The following WDPCP variants were observed in gnomAD, a reference collection of about 807,000 sequenced individuals.
WDPCP encodes the protein WD repeat containing planar cell polarity effector, also known as WD repeat-containing and planar cell polarity effector protein fritz homolog.
In WDPCP, 71 loss-of-function variants were observed where a neutral mutation model predicts 93.1. The observed-to-expected ratio is 0.76, with a 90% CI of 0.63 to 0.93. WDPCP has a LOEUF of 0.93. WDPCP is among the 40% of genes least tolerant of loss of function. The probability of loss-of-function intolerance (pLI) is 0.00; values close to 1 mark genes in which losing one functional copy is unlikely to be tolerated. For synonymous variants in WDPCP, 315 were observed against 315.0 expected (o/e 1.00, Z 0.00); for missense variants, 844 against 887.4 (o/e 0.95, Z 0.62).
chr2:63,836,368 G>T, the WDPCP span, among the ~76,000 whole-genome samples: 1 of 152,142 alleles, frequency 6.6e-6, no homozygotes, highest in Non-Finnish European at 1.5e-5. Flanking sequence ...CTTTCATATA[G>T]TTGAAAGAGG....
At chr2:63,712,492 TA>T (rs1189274900) in intron 2 of WDPCP, among the ~76,000 whole-genome samples, 1 of 152,232 alleles carries the variant, frequency 6.6e-6, no homozygotes, top group African/African-American at 2.4e-5. Flanking sequence ...ACTAGCCTAA[TA>T]TCTTAAAGTG....
chr2:63,314,013 TG>T (rs1241415827), intron 12 of WDPCP, among the ~76,000 whole-genome samples: 2 of 149,660 alleles, frequency 1.3e-5, no homozygotes, highest in East Asian at 3.9e-4. Context: ...TCCCGATAGC[TG>T]GGAGTAGGCG....
At chr2:63,309,517 G>C (rs1249406461) in intron 13 of WDPCP, among the ~76,000 whole-genome samples, 3 of 152,000 alleles carry the variant, frequency 2.0e-5, no homozygotes, top group African/African-American at 7.2e-5. Context: ...GAATTGAAGT[G>C]AGAAATAGTC....
At chr2:63,213,911 G>A (rs569413240) in intron 14 of WDPCP, among the ~76,000 whole-genome samples, 27 of 152,158 alleles carry the variant, frequency 1.8e-4, no homozygotes, top group South Asian at 4.2e-4. Flanking sequence ...ACCCTCCCAA[G>A]AATACACCAG....
At position 63,794,694 on chromosome 2, in the gene WDPCP, T is replaced by C. The variant is rs148831874; in HGVS notation, n.308+18928A>G. ...CTAGACTTCCAGTTGTGTGCACCAC[T>C]ACATTTCCTTACTGTTTAAGCCACC... On this transcript the variant is annotated intron_variant and non_coding_transcript_variant, in intron 2 of 4. Coordinates refer to the WDPCP transcript ENST00000467687. Among the ~76,000 whole-genome samples, 3 of 152,342 alleles carry C rather than the reference T, an allele frequency of 2.0e-5. No individual in the cohort carries two copies. The East Asian group carries it at 5.8e-4, about 29-fold the overall frequency.
chr2:63,485,815 GTACATA>G (rs751465575), intron 4 of WDPCP, among the ~76,000 whole-genome samples: 3 of 151,746 alleles, frequency 2.0e-5, no homozygotes, highest in Admixed American at 2.0e-4. Flanking sequence ...TGTGTTATAT[GTACATA>G]TACATATACA....
chr2:63,265,338 A>G (rs1018368335), intron 13 of WDPCP, among the ~76,000 whole-genome samples: 1 of 152,100 alleles, frequency 6.6e-6, no homozygotes, highest in Non-Finnish European at 1.5e-5. Context: ...GAAAGAGGAG[A>G]CATTATAACT....
At chr2:63,582,861 A>T (rs1028858183) in intron 1 of WDPCP, among the ~76,000 whole-genome samples, 4 of 152,160 alleles carry the variant, frequency 2.6e-5, no homozygotes, top group African/African-American at 4.8e-5. Flanking sequence ...CCACACATAC[A>T]AAAGCTGAGA....
chr2:63,262,021 A>G (rs926335690), intron 13 of WDPCP, among the ~76,000 whole-genome samples: 15 of 152,146 alleles, frequency 9.9e-5, no homozygotes, highest in Admixed American at 3.3e-4. Flanking sequence ...TTCATAATAG[A>G]TCCTTATATT....
chr2:63,535,461 T>C (rs547103752), intron 1 of WDPCP, among the ~76,000 whole-genome samples: 177 of 152,250 alleles, frequency 1.2e-3, no homozygotes, highest in African/African-American at 4.1e-3. Flanking sequence ...CTTCAAACTA[T>C]ACTACAAGGC....
Position 63,162,295 on chromosome 2 carries a change from A to C in WDPCP, c.2079-8721T>G, listed in dbSNP as rs149465959. 1.8e-3 allele frequency among the ~76,000 whole-genome samples: 277 copies of C among 152,216 alleles called. 2 individuals carry two copies. The highest frequency in any genetic ancestry group is 6.3e-3 in the African/African-American group (260 of 41,530). The stretch of plus-strand genomic sequence containing the variant: ...GAGGGATTCTATTAATACTTTGATA[A>C]ATTCATTTGCAGTTTTATTATTCTT... On this transcript the variant is annotated intron_variant, in intron 15 of 17. Transcript: ENST00000272321.
intron 2 of WDPCP, among the ~76,000 whole-genome samples, chr2:63,761,815 A>C (rs914983763): frequency 1.3e-5 from 2 of 152,176 alleles, no homozygotes; most frequent in African/African-American, 4.8e-5. Flanking sequence ...ACCCAGGATC[A>C]ATACTTTGTA....
intron 6 of WDPCP, among the ~76,000 whole-genome samples, chr2:63,454,298 T>C (rs1401209079): frequency 6.6e-6 from 1 of 151,392 alleles, no homozygotes; most frequent in African/African-American, 2.4e-5. Flanking sequence ...AAGTGGGCAT[T>C]GAACAATGAA....
chr2:63,438,291 T>C (rs1697271411), intron 7 of WDPCP, among the ~76,000 whole-genome samples: 1 of 152,000 alleles, frequency 6.6e-6, no homozygotes, highest in African/African-American at 2.4e-5. Context: ...TTATACATTT[T>C]CCTTTACTTT....
intron 13 of WDPCP, among the ~76,000 whole-genome samples, chr2:63,303,829 G>C (rs1685514116): frequency 6.6e-6 from 1 of 152,156 alleles, no homozygotes; most frequent in African/African-American, 2.4e-5. Flanking sequence ...AAAAGAGATA[G>C]ACATTTCTCA....
chr2:63,269,744 TG>T (rs1290637416), intron 13 of WDPCP, among the ~76,000 whole-genome samples: 1 of 152,212 alleles, frequency 6.6e-6, no homozygotes, highest in Non-Finnish European at 1.5e-5. Flanking sequence ...TACATATTTA[TG>T]ATTACTGTGT....
chr2:63,433,893 T>A lies in WDPCP; in HGVS notation c.677A>T (p.Glu226Val), dbSNP rs774816454. 1.1e-5 allele frequency: 18 copies of A among 1,613,874 alleles called. No homozygotes were observed. In the Admixed American group the frequency reaches 2.8e-4, roughly 25 times the overall value. The stretch of plus-strand genomic sequence containing the variant: ...AACACAGTTGATAGCTAGATGTCGC[T>A]CTGTTGTCTTGTTTATTGGGCCGGG... ...EIPGPINKTT[E>V]RHLAINCVHD... The change falls in exon 9 of 18, where the codon GAG (glutamate) becomes GTG (valine). Residue 226 changes from glutamate (E) to valine (V), a missense_variant. Transcript: ENST00000272321.
chr2:63,147,767 G>A (rs1412876859), intron 17 of WDPCP, among the ~76,000 whole-genome samples: 3 of 152,024 alleles, frequency 2.0e-5, no homozygotes, highest in South Asian at 2.1e-4. Context: ...TCAGTAGTTC[G>A]AGACCAACCT....
At chr2:63,476,292 C>T (rs1048833254) in intron 6 of WDPCP, among the ~76,000 whole-genome samples, 12 of 152,050 alleles carry the variant, frequency 7.9e-5, no homozygotes, top group African/African-American at 2.7e-4. Flanking sequence ...TTCCAAGGTG[C>T]CTTTCTAGTC....
Sources: allele counts gnomAD v4.1 joint callset (sites outside exome capture counted in the v4.1 genomes callset), GRCh38; gene constraint gnomAD v4.1.1; transcripts MANE v1.5; gene names NCBI Gene and HGNC (gene_info 2026-07-23, HGNC 2026-07-21).